CADPS2: variants seen among roughly 807,000 people sequenced by gnomAD.
The protein encoded by CADPS2 is calcium-dependent secretion activator 2.
Under a neutral mutation model 172.5 loss-of-function variants are expected in CADPS2, and 93 were observed. The observed-to-expected ratio is 0.54, with a 90% CI of 0.46 to 0.64. The LOEUF (loss-of-function observed/expected upper bound fraction) is 0.64. CADPS2 is among the 30% of genes least tolerant of loss of function. CADPS2 has a pLI of 0.00. For missense variants in CADPS2, 1,420 were observed against 1,565.9 expected, an observed-to-expected ratio of 0.91 and a Z score of 1.57; for synonymous variants, 546 against 555.2, an observed-to-expected ratio of 0.98 and a Z score of 0.23.
intron 2 of CADPS2, among the ~76,000 whole-genome samples, chr7:122,664,956 T>C (rs2135417783): frequency 1.0e-5 from 1 of 96,296 alleles, no homozygotes; most frequent in African/African-American, 4.0e-5. Flanking sequence ...TGGGCTAGTT[T>C]TTGTATTTTT....
chr7:122,729,352 A>G (rs1269937883), intron 2 of CADPS2, among the ~76,000 whole-genome samples: 1 of 151,804 alleles, frequency 6.6e-6, no homozygotes, highest in East Asian at 1.9e-4. Flanking sequence ...TTCTTTTGAC[A>G]TATTGATTTA....
chr7:122,407,827 T>C (rs1455896438), intron 19 of CADPS2, 131 bp from the exon 20 acceptor site: 2 of 918,236 alleles, frequency 2.2e-6, no homozygotes, highest in Non-Finnish European at 3.3e-6. Context: ...CAAAATATAA[T>C]AGTTTTTAAC....
At chr7:122,798,895 A>G (rs185168154) in intron 1 of CADPS2, among the ~76,000 whole-genome samples, 6 of 151,978 alleles carry the variant, frequency 3.9e-5, no homozygotes, top group African/African-American at 1.2e-4. Context: ...TCCTTTGTAG[A>G]AGGCTCTCAT....
intron 22 of CADPS2, 70 bp downstream of exon 22, chr7:122,393,126 T>A: frequency 1.3e-6 from 2 of 1,552,524 alleles, no homozygotes; most frequent in Non-Finnish European, 1.7e-6. Flanking sequence ...TCTAAACACA[T>A]CTGCGCAGAA....
chr7:122,434,128 A>C (rs1462641448), intron 17 of CADPS2, among the ~76,000 whole-genome samples: 3 of 152,192 alleles, frequency 2.0e-5, no homozygotes, highest in Non-Finnish European at 4.4e-5. Context: ...AAAATGCCTT[A>C]AGAGGTTTGA....
rs1475007306 is a variant in CADPS2 at position 122,513,217 on chromosome 7, G to C, written c.1542+32C>G. 5 of 1,448,156 alleles carry C rather than the reference G, an allele frequency of 3.5e-6. No individual in the cohort carries two copies. The East Asian group carries it at 7.4e-5, about 21-fold the overall frequency. 89.7% of individuals were successfully genotyped at this position (1,448,156 alleles called of 1,614,324 possible). The stretch of plus-strand genomic sequence containing the variant: ...ACAAATTTTGAGAACTGCTATCTTA[G>C]AGTGATTATTTAACAGGAAAAAATG... On this transcript the variant is annotated intron_variant, in intron 9 of 29. Coordinates refer to ENST00000449022, the MANE Select transcript of CADPS2 (RefSeq NM_017954.11).
chr7:122,711,978 A>AT (rs1564145392), intron 2 of CADPS2, among the ~76,000 whole-genome samples: 2 of 152,020 alleles, frequency 1.3e-5, no homozygotes, highest in East Asian at 3.9e-4. Flanking sequence ...ATTTAAACAT[A>AT]TTTTGCAGTT....
intron 8 of CADPS2, among the ~76,000 whole-genome samples, chr7:122,539,748 T>TCTGTCTCTCTCTCC (rs1563639534): frequency 4.3e-5 from 5 of 115,782 alleles, no homozygotes; most frequent in Non-Finnish European, 8.9e-5. Context: ...TCCCTCTCTC[T>TCTGTCTCTCTCTCC]CTGTCTCTCT....
intron 24 of CADPS2, chr7:122,386,351 G>T: frequency 8.2e-7 from 1 of 1,218,914 alleles, no homozygotes; most frequent in African/African-American, 1.6e-5. Context: ...TGATGAAAGA[G>T]AACAGAAGGG....
chr7:122,633,253 G>T (rs1483097541), intron 3 of CADPS2, among the ~76,000 whole-genome samples: 1 of 152,130 alleles, frequency 6.6e-6, no homozygotes, highest in Non-Finnish European at 1.5e-5. Flanking sequence ...TTTTGATAGG[G>T]ATAGCACTGA....
At chr7:122,811,301 G>T (rs1416978364) in intron 1 of CADPS2, among the ~76,000 whole-genome samples, 1 of 152,116 alleles carries the variant, frequency 6.6e-6, no homozygotes, top group Non-Finnish European at 1.5e-5. Context: ...GCATATGGCT[G>T]CCTTCCAAGT....
intron 20 of CADPS2, 69 bp downstream of exon 20, chr7:122,407,471 A>G: frequency 6.6e-7 from 1 of 1,505,158 alleles, no homozygotes; most frequent in Non-Finnish European, 9.0e-7. Flanking sequence ...GCACAGTAAA[A>G]ATACATTCAC....
At chr7:122,491,481 GTTT>G (rs902401244) in intron 9 of CADPS2, 61 bp from the exon 10 acceptor site, 4 of 805,174 alleles carry the variant, frequency 5.0e-6, no homozygotes, top group African/African-American at 3.6e-5. Context: ...TTTAACTTTC[GTTT>G]TTTTATCAAA....
At chr7:122,859,504 G>A (rs1344371601) in intron 1 of CADPS2, among the ~76,000 whole-genome samples, 3 of 152,084 alleles carry the variant, frequency 2.0e-5, no homozygotes, top group African/African-American at 7.2e-5. Flanking sequence ...ATAGTTAATG[G>A]CTCCAGTAAT....
At chr7:122,754,457 T>C (rs1009981395) in intron 1 of CADPS2, among the ~76,000 whole-genome samples, 1 of 152,104 alleles carries the variant, frequency 6.6e-6, no homozygotes, top group African/African-American at 2.4e-5. Context: ...TTTTGAAACT[T>C]TTGTTTTCAT....
intron 14 of CADPS2, among the ~76,000 whole-genome samples, chr7:122,458,294 G>A (rs1331445445): frequency 2.0e-5 from 3 of 152,122 alleles, no homozygotes; most frequent in Non-Finnish European, 2.9e-5. Context: ...GTCACAGCAC[G>A]AGAATAAGAA....
chr7:122,407,507 A>C, intron 20 of CADPS2, 33 bp downstream of exon 20: 1 of 1,593,458 alleles, frequency 6.3e-7, no homozygotes, highest in Non-Finnish European at 8.6e-7. Context: ...ACCCCTCCCC[A>C]TTTCACATAT....
rs561857829 is a variant in CADPS2, at chr7:122,537,353, G to C, written c.1475+17197C>G. Among the ~76,000 whole-genome samples the C allele has an allele frequency of 4.6e-4, 70 of 150,740 alleles. No individual in the cohort carries two copies. In the Middle Eastern group the frequency reaches 0.01, roughly 22 times the overall value. Reference sequence around the variant, plus strand: ...GAATACAGAAGCACTACATAACAGAGGAAAAATTCTAAAAGAAAATTATAA... The same window carrying C: ...GAATACAGAAGCACTACATAACAGACGAAAAATTCTAAAAGAAAATTATAA... On this transcript the variant is annotated intron_variant, in intron 8 of 29. Transcript: ENST00000449022.
At chr7:122,427,392 T>C (rs1247561072) in intron 17 of CADPS2, 1 of 152,156 alleles carries the variant, frequency 6.6e-6, no homozygotes, top group Non-Finnish European at 1.5e-5. Context: ...TGGAAAATCA[T>C]CTAAGAAGTG....
Sources: gnomAD v4.1 joint callset for allele counts (sites outside exome capture counted in the v4.1 genomes callset) on GRCh38, gnomAD v4.1.1 for gene constraint, MANE v1.5 for transcripts, NCBI Gene and HGNC (gene_info 2026-07-23, HGNC 2026-07-21) for gene names.